The following CCDC85C variants were observed in gnomAD, a reference collection of about 807,000 sequenced individuals.
CCDC85C encodes the protein coiled-coil domain-containing protein 85C.
Under a neutral mutation model 38.3 loss-of-function variants are expected in CCDC85C, and 18 were observed. That is an observed-to-expected ratio of 0.47 (90% CI 0.33 to 0.70). CCDC85C has a LOEUF of 0.70. CCDC85C is among the 30% of genes least tolerant of loss of function. The pLI is 0.03. For synonymous variants in CCDC85C, 264 were observed against 293.8 expected, an observed-to-expected ratio of 0.90 and a Z score of 1.04; for missense variants, 566 against 621.2, an observed-to-expected ratio of 0.91 and a Z score of 0.94.
At chr14:99,570,143 T>C (rs1428681322) in intron 1 of CCDC85C, among the ~76,000 whole-genome samples, 2 of 151,844 alleles carry the variant, frequency 1.3e-5, no homozygotes, top group Non-Finnish European at 2.9e-5. Flanking sequence ...TTCACATCTG[T>C]TCTGAGTGCC....
chr14:99,565,292 C>T (rs1898194014), intron 1 of CCDC85C, among the ~76,000 whole-genome samples: 1 of 152,232 alleles, frequency 6.6e-6, no homozygotes, highest in African/African-American at 2.4e-5. Context: ...CGGGGCTCAG[C>T]TCTGAGCAGG....
intron 1 of CCDC85C, among the ~76,000 whole-genome samples, chr14:99,540,485 A>G (rs1460782009): frequency 3.3e-5 from 5 of 152,224 alleles, no homozygotes; most frequent in Non-Finnish European, 5.9e-5. Context: ...TGCAAGCCCC[A>G]GCCTCTTGGA....
intron 1 of CCDC85C, among the ~76,000 whole-genome samples, chr14:99,594,453 A>G (rs894789535): frequency 6.6e-6 from 1 of 152,228 alleles, no homozygotes; most frequent in African/African-American, 2.4e-5. Context: ...TAGGCCCCAC[A>G]GTGGGACCCA....
At chr14:99,552,215 C>G (rs1333720817) in intron 1 of CCDC85C, among the ~76,000 whole-genome samples, 1 of 152,234 alleles carries the variant, frequency 6.6e-6, no homozygotes, top group Non-Finnish European at 1.5e-5. Context: ...GCTGCCCCTG[C>G]ACCACTGGGG....
At chr14:99,526,780 A>G (rs1336841888) in intron 2 of CCDC85C, among the ~76,000 whole-genome samples, 1 of 152,190 alleles carries the variant, frequency 6.6e-6, no homozygotes, top group East Asian at 1.9e-4. Context: ...ACCTCCACCC[A>G]GGAAGTGCTG....
In CCDC85C at chr14:99,510,688, TC is replaced by T; in HGVS notation, c.*4557del. 2.2e-6 allele frequency: 3 copies of T among 1,336,982 alleles called. No homozygotes were observed. The highest frequency in any genetic ancestry group is 3.0e-5 in the East Asian group (1 of 33,084). 82.8% of individuals were successfully genotyped at this position (1,336,982 alleles called of 1,614,324 possible). ...CCAGCCAGCTACCCACCTCCTGCCG[TC>T]CCCCCTGGAGGACAGCCTCCTGTGC... On this transcript the variant is annotated 3_prime_UTR_variant, in exon 6 of 6. Transcript: ENST00000380243.
Position 99,569,742 on chromosome 14 carries a change from T to G in CCDC85C, c.793+33425A>C, listed in dbSNP as rs923052064. Among the ~76,000 whole-genome samples the G allele has an allele frequency of 2.0e-5, 3 of 152,072 alleles. No individual in the cohort carries two copies. Among genetic ancestry groups the G allele is most frequent in the Non-Finnish European group, 4.4e-5 (3 of 68,004 alleles). On this transcript the variant is annotated intron_variant, in intron 1 of 5. Transcript: ENST00000380243. The surrounding 1 kb of genome is among the most constrained non-coding windows in gnomAD (Gnocchi z 4.3). ...CCCAACATGTCACACACCCCACATT[T>G]CAGGTGCAATGCTCCAAGGCGACGC...
In CCDC85C at chr14:99,572,943, C is replaced by T. The variant is rs1898385687; in HGVS notation, c.793+30224G>A. 1 of 402,524 alleles carries T rather than the reference C, an allele frequency of 2.5e-6. No individual in the cohort carries two copies. The highest frequency in any genetic ancestry group is 2.1e-5 in the African/African-American group (1 of 48,514). The allele number at this position is 402,524 out of a possible 1,614,324, so 24.9% of individuals were successfully genotyped here. ...CAGCGCCTTCTCTTAGCTCTGAGCC[C>T]TGCCTTCGCCTCCTACAAGATAGGA... On this transcript the variant is annotated intron_variant, in intron 1 of 5. Transcript: ENST00000380243. This position sits in a 1 kb window ranked among gnomAD's most constrained non-coding sequence, Gnocchi z 4.4.
Position 99,500,192 on chromosome 14 carries a change from T to G in CCDC85C, c.*15054A>C, listed in dbSNP as rs1404450124. On this transcript the variant is annotated 3_prime_UTR_variant, in exon 6 of 6. Coordinates refer to ENST00000380243, the MANE Select transcript of CCDC85C (RefSeq NM_001144995.2). Reference sequence around the variant, plus strand: ...GAAATGATCATTTATTCAGTAAGTGTTGTTGGGATGATTTATTTCAAATAA... The same window carrying G: ...GAAATGATCATTTATTCAGTAAGTGGTGTTGGGATGATTTATTTCAAATAA... The G allele has an allele frequency of 6.7e-6, 1 of 149,552 alleles. No homozygotes were observed. Among genetic ancestry groups the G allele is most frequent in the Non-Finnish European group, 1.5e-5 (1 of 68,170 alleles). 9.3% of individuals were successfully genotyped at this position (149,552 alleles called of 1,614,324 possible).
chr14:99,540,355 C>G (rs1311355686), intron 1 of CCDC85C, among the ~76,000 whole-genome samples: 1 of 152,134 alleles, frequency 6.6e-6, no homozygotes, highest in Non-Finnish European at 1.5e-5. Flanking sequence ...ACAGGAAGAA[C>G]AAGAGTGATC....
Position 99,603,293 on chromosome 14 carries a change from C to CGTG in CCDC85C, c.664_666dup (p.His222dup), listed in dbSNP as rs1412395126. ...CCGGGGGGCAGCAGCGGGGGTGGGA[C>CGTG]GTGGTGGTGGTGGTCGGGGCTGCCG... is the stretch of plus-strand genomic sequence containing the variant. On this transcript the variant is annotated inframe_insertion, in exon 1 of 6. Transcript: ENST00000380243. This position sits in a 1 kb window ranked among gnomAD's most constrained non-coding sequence, Gnocchi z 7.5. The CGTG allele has an allele frequency of 5.1e-6, 7 of 1,375,954 alleles. No individual in the cohort carries two copies. The highest frequency in any genetic ancestry group is 5.6e-6 in the Non-Finnish European group (6 of 1,069,460). The allele number at this position is 1,375,954 out of a possible 1,614,324, so 85.2% of individuals were successfully genotyped here. A position where few individuals can be genotyped will look rare whatever the true frequency, so the allele number is the denominator to read the frequency against.
At chr14:99,590,345 C>T (rs2139986389) in intron 1 of CCDC85C, among the ~76,000 whole-genome samples, 1 of 152,292 alleles carries the variant, frequency 6.6e-6, no homozygotes, top group African/African-American at 2.4e-5. Context: ...AGGAATGTGA[C>T]AGGGCAGAGC....
chr14:99,552,386 G>T (rs148741333), intron 1 of CCDC85C, among the ~76,000 whole-genome samples: 1 of 152,216 alleles, frequency 6.6e-6, no homozygotes, highest in Non-Finnish European at 1.5e-5. Flanking sequence ...TTGCAGGGAG[G>T]GGGAGGCGCA....
chr14:99,518,410 G>A (rs1897257393), intron 3 of CCDC85C, among the ~76,000 whole-genome samples: 1 of 152,154 alleles, frequency 6.6e-6, no homozygotes, highest in Non-Finnish European at 1.5e-5. Context: ...CATTGAGGTG[G>A]GGCTCAACCC....
intron 1 of CCDC85C, among the ~76,000 whole-genome samples, chr14:99,563,836 G>GA (rs1403952603): frequency 3.9e-5 from 6 of 152,238 alleles, no homozygotes; most frequent in Admixed American, 6.5e-5. Context: ...GCACGAGCCA[G>GA]ATGGGCTAGC....
chr14:99,509,771 T>C lies in CCDC85C; in HGVS notation c.*5475A>G, dbSNP rs1413242917. 4 of 250,372 alleles carry C rather than the reference T, an allele frequency of 1.6e-5. No individual in the cohort carries two copies. 15.5% of individuals were successfully genotyped at this position (250,372 alleles called of 1,614,324 possible). On this transcript the variant is annotated 3_prime_UTR_variant, in exon 6 of 6. Transcript: ENST00000380243. ...AAAATGCCACTGCTGCAGACAGGAG[T>C]TCAGTGTGGCCCTGACCCCTGGGGT...
intron 1 of CCDC85C, among the ~76,000 whole-genome samples, chr14:99,543,704 C>A (rs1897755695): frequency 6.6e-6 from 1 of 152,154 alleles, no homozygotes; most frequent in Non-Finnish European, 1.5e-5. Flanking sequence ...TACACCTGTG[C>A]TGTGCCCCTT....
chr14:99,516,043 C>T lies in CCDC85C; in HGVS notation c.1170+145G>A. ...GCCAGGGCTCCTAGCACCTCTGAGG[C>T]CTCCCCCCAGCTATCCAAGGTCACC... is the stretch of plus-strand genomic sequence containing the variant. On this transcript the variant is annotated intron_variant, in intron 5 of 5. Transcript: ENST00000380243. This position sits in a 1 kb window ranked among gnomAD's most constrained non-coding sequence, Gnocchi z 5.5. 2 of 686,664 alleles carry T rather than the reference C, an allele frequency of 2.9e-6. No homozygotes were observed. Among genetic ancestry groups the T allele is most frequent in the South Asian group, 1.7e-5 (1 of 57,814 alleles). The allele number at this position is 686,664 out of a possible 1,614,324, so 42.5% of individuals were successfully genotyped here.
At position 99,510,954 on chromosome 14, in the gene CCDC85C, C is replaced by A; in HGVS notation, c.*4292G>T. 1 of 483,126 alleles carries A rather than the reference C, an allele frequency of 2.1e-6. No individual in the cohort carries two copies. Among genetic ancestry groups the A allele is most frequent in the Non-Finnish European group, 3.3e-6 (1 of 299,042 alleles). The allele number at this position is 483,126 out of a possible 1,614,324, so 29.9% of individuals were successfully genotyped here. A position where few individuals can be genotyped will look rare whatever the true frequency, so the allele number is the denominator to read the frequency against. On this transcript the variant is annotated 3_prime_UTR_variant, in exon 6 of 6. Coordinates refer to ENST00000380243, the MANE Select transcript of CCDC85C (RefSeq NM_001144995.2). ...CAGAGTGGTCCTCACACCTAGAGGA[C>A]GGGGACAACCAGCTTTCAGAGTAGC... is the stretch of plus-strand genomic sequence containing the variant.
Sources: allele counts gnomAD v4.1 joint callset (sites outside exome capture counted in the v4.1 genomes callset), GRCh38; gene constraint gnomAD v4.1.1; non-coding constraint Gnocchi (gnomAD v3.1); transcripts MANE v1.5; gene names NCBI Gene and HGNC (gene_info 2026-07-23, HGNC 2026-07-21).